TRPM3: variants seen among roughly 807,000 people sequenced by gnomAD.
The protein encoded by TRPM3 is long transient receptor potential channel 3.
TRPM3 carries 77 observed loss-of-function variants against 181.2 expected under a neutral mutation model. The observed-to-expected ratio is 0.42, with a 90% CI of 0.35 to 0.51. The LOEUF (loss-of-function observed/expected upper bound fraction) is 0.51. Ranked by LOEUF, TRPM3 falls within the 20% of genes least tolerant of loss-of-function variation. The pLI, the probability that TRPM3 is intolerant of heterozygous loss-of-function variation, is 0.01. For synonymous variants in TRPM3, 745 were observed against 796.4 expected (o/e 0.94, Z 1.09); for missense variants, 1,759 against 2,196.7 (o/e 0.80, Z 3.98).
chr9:70,561,776 T>G (rs962277924), intron 22 of TRPM3, among the ~76,000 whole-genome samples: 1 of 152,160 alleles, frequency 6.6e-6, no homozygotes, highest in African/African-American at 2.4e-5. Flanking sequence ...TTCTCTACAG[T>G]GCAACAGACA....
At chr9:70,864,610 TAAG>T (rs1336458885) in intron 1 of TRPM3, 99 bp from the exon 2 acceptor site, 3 of 707,180 alleles carry the variant, frequency 4.2e-6, no homozygotes, top group African/African-American at 1.9e-5. Flanking sequence ...CATAATCACA[TAAG>T]AGACTAGTAT....
At chr9:70,847,808 A>G (rs970216363) in intron 3 of TRPM3, among the ~76,000 whole-genome samples, 2 of 152,148 alleles carry the variant, frequency 1.3e-5, no homozygotes, top group African/African-American at 2.4e-5. Context: ...TATTCACACT[A>G]TCAGTGTGGT....
At chr9:70,608,480 CT>C (rs1176588517) in intron 19 of TRPM3, among the ~76,000 whole-genome samples, 3 of 152,242 alleles carry the variant, frequency 2.0e-5, no homozygotes, top group African/African-American at 7.2e-5. Flanking sequence ...CTGTTCTAAG[CT>C]AACAGTTGGG....
rs372851727 is a variant in TRPM3, at chr9:71,098,854, C to T, written c.177+22324G>A. ...CAGTGAAACCTATGACAGCATTTTG[C>T]AAATGTCACTACATCCAGACCCACC... On this transcript the variant is annotated intron_variant, in intron 1 of 25. Transcript: ENST00000677713. 7.2e-5 allele frequency among the ~76,000 whole-genome samples: 11 copies of T among 152,196 alleles called. No individual in the cohort carries two copies. In the East Asian group the frequency reaches 1.9e-3, roughly 27 times the overall value.
intron 25 of TRPM3, among the ~76,000 whole-genome samples, chr9:70,539,895 T>C (rs1441016978): frequency 6.6e-6 from 1 of 152,084 alleles, no homozygotes; most frequent in Admixed American, 6.6e-5. Context: ...AAGGCAGTGG[T>C]GCAAACATGG....
At chr9:70,933,152 T>C (rs1255921083) in intron 1 of TRPM3, among the ~76,000 whole-genome samples, 1 of 152,166 alleles carries the variant, frequency 6.6e-6, no homozygotes, top group East Asian at 1.9e-4. Flanking sequence ...GCATTCAGTC[T>C]GGGTTTGCAA....
chr9:70,619,589 T>G (rs993436006), intron 16 of TRPM3, among the ~76,000 whole-genome samples: 2 of 150,346 alleles, frequency 1.3e-5, no homozygotes, highest in African/African-American at 4.9e-5. Flanking sequence ...AATTTTTAAT[T>G]TTTTTTTTGG....
Position 70,625,169 on chromosome 9 carries a change from C to T in TRPM3, c.1809+22G>A. 6.2e-7 allele frequency: 1 copy of T among 1,613,544 alleles called. No individual in the cohort carries two copies. The highest frequency in any genetic ancestry group is 1.3e-5 in the African/African-American group (1 of 75,040). The stretch of plus-strand genomic sequence containing the variant: ...CACCCTAGTCCTCCCAGGAAGGGCC[C>T]CGAATTTGCAGCCAGCCTCACCCTC... On this transcript the variant is annotated intron_variant, in intron 14 of 25. Transcript: ENST00000677713. The surrounding 1 kb of genome is among the most constrained non-coding windows in gnomAD (Gnocchi z 4.8).
At chr9:71,376,571 T>G (rs2092672295) in intron 1 of TRPM3, among the ~76,000 whole-genome samples, 1 of 152,000 alleles carries the variant, frequency 6.6e-6, no homozygotes, top group African/African-American at 2.4e-5. Context: ...AATAGGTAAA[T>G]GAGTATAAAA....
intron 1 of TRPM3, among the ~76,000 whole-genome samples, chr9:71,179,099 C>G (rs1484591467): frequency 6.6e-6 from 1 of 152,074 alleles, no homozygotes; most frequent in Non-Finnish European, 1.5e-5. Context: ...CTGGCTCTTT[C>G]CTATATTCTA....
chr9:71,126,123 G>T (rs942611685), upstream of TRPM3, among the ~76,000 whole-genome samples: 1 of 152,128 alleles, frequency 6.6e-6, no homozygotes, highest in Non-Finnish European at 1.5e-5. Flanking sequence ...ATGGAAAAAA[G>T]CTCAACATCA....
intron 1 of TRPM3, among the ~76,000 whole-genome samples, chr9:70,990,836 C>A (rs148329530): frequency 2.1e-4 from 32 of 152,250 alleles, no homozygotes; most frequent in African/African-American, 7.5e-4. Flanking sequence ...AAAATACAAC[C>A]AGCACAACTG....
intron 1 of TRPM3, among the ~76,000 whole-genome samples, chr9:71,133,604 T>A (rs535549092): frequency 6.6e-6 from 1 of 152,318 alleles, no homozygotes; most frequent in East Asian, 1.9e-4. Flanking sequence ...GGCTGCTTCT[T>A]CTTTTATTAG....
chr9:71,289,778 G>C (rs892846348), intron 1 of TRPM3, among the ~76,000 whole-genome samples: 4 of 141,856 alleles, frequency 2.8e-5, no homozygotes, highest in African/African-American at 1.0e-4. Context: ...TGAGGCAAGA[G>C]AATTGCTTGA....
chr9:71,196,271 TTTTAGTAA>T (rs2078354203), intron 1 of TRPM3, among the ~76,000 whole-genome samples: 1 of 134,900 alleles, frequency 7.4e-6, no homozygotes, highest in South Asian at 2.6e-4. Context: ...TGTTTTTCTT[TTTTAGTAA>T]TTTATTTCTG....
chr9:70,938,764 A>T (rs2096854487), intron 1 of TRPM3, among the ~76,000 whole-genome samples: 1 of 151,974 alleles, frequency 6.6e-6, no homozygotes, highest in African/African-American at 2.4e-5. Flanking sequence ...CATCCTGGCT[A>T]ACACAGCGAA....
intron 20 of TRPM3, among the ~76,000 whole-genome samples, chr9:70,601,919 C>T (rs2060062838): frequency 1.3e-5 from 2 of 152,294 alleles, no homozygotes; most frequent in Non-Finnish European, 2.9e-5. Context: ...CCAGCTGGCA[C>T]AGCACAGCCA....
intron 1 of TRPM3, among the ~76,000 whole-genome samples, chr9:71,282,487 G>T (rs1331383141): frequency 3.9e-5 from 6 of 152,088 alleles, no homozygotes; most frequent in African/African-American, 1.2e-4. Flanking sequence ...CAGGTAAAAG[G>T]GTAGTGCTAT....
At chr9:71,107,313 T>C (rs745734823) in intron 1 of TRPM3, among the ~76,000 whole-genome samples, 1 of 152,170 alleles carries the variant, frequency 6.6e-6, no homozygotes. Flanking sequence ...CTGTACTTAA[T>C]CCTGAATAGT....
Sources: gnomAD v4.1 joint callset for allele counts (sites outside exome capture counted in the v4.1 genomes callset) on GRCh38, gnomAD v4.1.1 for gene constraint, Gnocchi (gnomAD v3.1) non-coding constraint, MANE v1.5 for transcripts, NCBI Gene and HGNC (gene_info 2026-07-23, HGNC 2026-07-21) for gene names.